The following UXS1 variants were observed in gnomAD, a reference collection of about 807,000 sequenced individuals.
UXS1 encodes the protein UDP-glucuronate decarboxylase 1.
UXS1 carries 33 observed loss-of-function variants against 62.6 expected under a neutral mutation model. The observed-to-expected ratio is 0.53, with a 90% confidence interval of 0.40 to 0.70. The LOEUF (loss-of-function observed/expected upper bound fraction) is 0.70, where lower values mean the gene tolerates loss of function less well. Among genes scored for constraint, UXS1 ranks in the 30% least tolerant of loss-of-function variants. The pLI is 0.00. For missense variants in UXS1, 434 were observed against 556.3 expected (o/e 0.78, Z 2.21); for synonymous variants, 213 against 206.8 (o/e 1.03, Z -0.26).
chr2:106,097,320 G>A (rs994190318), intron 13 of UXS1: 7 of 418,176 alleles, frequency 1.7e-5, no homozygotes, highest in African/African-American at 6.1e-5. Flanking sequence ...CTCGGAGGAC[G>A]GCAAAGGCTG....
Position 106,093,998 on chromosome 2 carries a change from G to C in UXS1, c.*28C>G. ...AATACATCCCATCAAGTGTACAATG[G>C]TAGTCTTGTGTCCTAAAAGTGAGGA... On this transcript the variant is annotated 3_prime_UTR_variant, in exon 15 of 15. Transcript: ENST00000283148. 6.3e-7 allele frequency: 1 copy of C among 1,587,210 alleles called. No individual in the cohort carries two copies. Among genetic ancestry groups the C allele is most frequent in the Non-Finnish European group, 8.5e-7 (1 of 1,171,376 alleles).
intron 1 of UXS1, among the ~76,000 whole-genome samples, chr2:106,189,203 A>G (rs931302185): frequency 1.1e-4 from 16 of 150,046 alleles, no homozygotes; most frequent in African/African-American, 3.9e-4. Context: ...GTGTTTCTGG[A>G]TTGCCAGGGC....
At chr2:106,170,849 GCAACCTGCTTGAGTTATTTTGACC>G (rs1683509725) in intron 1 of UXS1, among the ~76,000 whole-genome samples, 1 of 152,198 alleles carries the variant, frequency 6.6e-6, no homozygotes. Context: ...TTAAGTTTTT[GCAACCTGCTTGAGTTATTTTGACC>G]CACCTTACGG....
At chr2:106,159,757 G>A (rs891421921) in intron 4 of UXS1, among the ~76,000 whole-genome samples, 8 of 152,178 alleles carry the variant, frequency 5.3e-5, no homozygotes, top group South Asian at 2.1e-4. Flanking sequence ...CTTAATGGTC[G>A]CTGAACTGAA....
intron 10 of UXS1, among the ~76,000 whole-genome samples, chr2:106,110,574 G>A (rs2889639): frequency 0.85 from 129,462 of 152,172 alleles, 55,745 homozygotes; most frequent in Non-Finnish European, 0.93. Flanking sequence ...GTCACGGCAC[G>A]AGCTCCTAGG....
chr2:106,144,809 G>A (rs1438367848), intron 6 of UXS1, among the ~76,000 whole-genome samples: 1 of 152,134 alleles, frequency 6.6e-6, no homozygotes, highest in East Asian at 1.9e-4. Context: ...TGACGACTCT[G>A]TCTCCATGAA....
intron 5 of UXS1, among the ~76,000 whole-genome samples, chr2:106,151,894 G>A (rs759885974): frequency 1.3e-5 from 2 of 152,194 alleles, no homozygotes; most frequent in Non-Finnish European, 2.9e-5. Context: ...GAAGAACAGA[G>A]AGATTATATG....
At chr2:106,110,060 CATG>C (rs1328741947) in intron 10 of UXS1, among the ~76,000 whole-genome samples, 2 of 152,316 alleles carry the variant, frequency 1.3e-5, no homozygotes, top group Middle Eastern at 3.4e-3. Context: ...AAGAGCAAGG[CATG>C]ATATCTCAAT....
intron 1 of UXS1, among the ~76,000 whole-genome samples, chr2:106,184,559 G>T (rs1035310255): frequency 2.0e-5 from 3 of 152,168 alleles, no homozygotes; most frequent in Non-Finnish European, 2.9e-5. Flanking sequence ...AGACACTGGC[G>T]GTGAGGGCTC....
At chr2:106,114,639 A>G (rs1678918633) in intron 9 of UXS1, among the ~76,000 whole-genome samples, 1 of 152,238 alleles carries the variant, frequency 6.6e-6, no homozygotes, top group Non-Finnish European at 1.5e-5. Context: ...TTCCCTTTCC[A>G]CAAAACAATA....
At chr2:106,159,361 A>G (rs1186600967) in intron 4 of UXS1, 1 of 152,226 alleles carries the variant, frequency 6.6e-6, no homozygotes, top group East Asian at 1.9e-4. Flanking sequence ...CAATCACGGC[A>G]TCCTCTTCCT....
chr2:106,138,780 G>A (rs1478552697), intron 6 of UXS1: 1 of 985,448 alleles, frequency 1.0e-6, no homozygotes, highest in African/African-American at 1.7e-5. Context: ...CCATTTGAGA[G>A]GAAACTGAAA....
At chr2:106,126,690 A>C (rs1224179040) in intron 7 of UXS1, among the ~76,000 whole-genome samples, 1 of 152,212 alleles carries the variant, frequency 6.6e-6, no homozygotes, top group Non-Finnish European at 1.5e-5. Flanking sequence ...GTACATTCAA[A>C]TTCAATTGTA....
chr2:106,138,429 G>A, intron 6 of UXS1: 15 of 985,454 alleles, frequency 1.5e-5, no homozygotes, highest in Non-Finnish European at 1.8e-5. Context: ...GACTCTAGAG[G>A]GAGGGGAGGC....
chr2:106,104,990 T>C (rs1432250558), intron 10 of UXS1, among the ~76,000 whole-genome samples, 153 bp from the exon 11 acceptor site: 2 of 152,194 alleles, frequency 1.3e-5, no homozygotes, highest in Non-Finnish European at 2.9e-5. Flanking sequence ...TCCCGCACTC[T>C]ACTTCGAGAC....
Position 106,158,051 on chromosome 2 carries a change from A to G in UXS1, c.291+7T>C. The G allele has an allele frequency of 6.4e-7, 1 of 1,559,366 alleles. No individual in the cohort carries two copies. Among genetic ancestry groups the G allele is most frequent in the Non-Finnish European group, 8.7e-7 (1 of 1,150,198 alleles). On this transcript the variant is annotated splice_region_variant and intron_variant, in intron 5 of 14. Coordinates refer to ENST00000283148, the MANE Select transcript of UXS1 (RefSeq NM_001253875.2). ...ATTACAAATACTATTCAGGTGTGCA[A>G]ACTTACCAAAATTCTTTTCCGATCC...
intron 5 of UXS1, among the ~76,000 whole-genome samples, chr2:106,147,618 C>T (rs887519216): frequency 3.9e-5 from 6 of 152,150 alleles, no homozygotes; most frequent in African/African-American, 7.2e-5. Flanking sequence ...TCTCTTAACC[C>T]GCCTATACCT....
intron 5 of UXS1, among the ~76,000 whole-genome samples, chr2:106,157,150 G>T (rs1219091880): frequency 1.3e-5 from 2 of 152,124 alleles, no homozygotes; most frequent in African/African-American, 4.8e-5. Context: ...CTTTCCTTGG[G>T]GGGGGCCTAC....
intron 7 of UXS1, 128 bp downstream of exon 7, chr2:106,129,546 A>C: frequency 1.3e-6 from 1 of 796,330 alleles, no homozygotes; most frequent in Non-Finnish European, 2.1e-6. Context: ...CAAATACCAC[A>C]AGCAGGGCAA....
Sources: gnomAD v4.1 joint callset for allele counts (sites outside exome capture counted in the v4.1 genomes callset) on GRCh38, gnomAD v4.1.1 for gene constraint, MANE v1.5 for transcripts, NCBI Gene and HGNC (gene_info 2026-07-23, HGNC 2026-07-21) for gene names.